Variants in FARP1 observed in about 807,000 individuals in gnomAD.
FARP1 encodes the protein FERM, ARHGEF and pleckstrin domain-containing protein 1.
Under a neutral mutation model 128.8 loss-of-function variants are expected in FARP1, and 52 were observed. The ratio of observed to expected loss-of-function variants is 0.40; its 90% CI spans 0.32 to 0.51. The LOEUF is 0.51. Ranked by LOEUF, FARP1 falls within the 20% of genes least tolerant of loss-of-function variation. The pLI is 0.45. For synonymous variants in FARP1, 580 were observed against 551.8 expected (o/e 1.05, Z -0.72); for missense variants, 1,333 against 1,367.9 (o/e 0.97, Z 0.40).
At chr13:98,350,739 G>A (rs1888383090) in intron 3 of FARP1, among the ~76,000 whole-genome samples, 1 of 152,084 alleles carries the variant, frequency 6.6e-6, no homozygotes, top group African/African-American at 2.4e-5. Context: ...AGGCCTTGTT[G>A]ACTGGGGAGC....
intron 3 of FARP1, among the ~76,000 whole-genome samples, chr13:98,353,607 A>G (rs2139919576): frequency 6.6e-6 from 1 of 152,126 alleles, no homozygotes; most frequent in South Asian, 2.1e-4. Flanking sequence ...CGAACTCCTG[A>G]CCTCAGGTGA....
At chr13:98,445,418 C>A (rs548712696) in intron 24 of FARP1, 2 of 152,198 alleles carry the variant, frequency 1.3e-5, no homozygotes, top group African/African-American at 4.8e-5. Context: ...GTCCCTGCCC[C>A]CTAGCTGGGC....
chr13:98,178,513 C>CT (rs767322147), intron 1 of FARP1, among the ~76,000 whole-genome samples: 8 of 152,088 alleles, frequency 5.3e-5, no homozygotes, highest in South Asian at 4.1e-4. Flanking sequence ...ATTTTTAACC[C>CT]TTTTTTTTCT....
At chr13:98,318,950 G>GTTTTTT (rs56166470) in intron 2 of FARP1, among the ~76,000 whole-genome samples, 93 of 120,634 alleles carry the variant, frequency 7.7e-4, no homozygotes, top group East Asian at 2.8e-3. Flanking sequence ...GTTTTTTCTT[G>GTTTTTT]TTTTTTTTTT....
intron 2 of FARP1, among the ~76,000 whole-genome samples, chr13:98,263,334 G>A (rs762165058): frequency 6.6e-6 from 1 of 152,244 alleles, no homozygotes; most frequent in Middle Eastern, 3.4e-3. Context: ...TAATGTTTAT[G>A]TTTAGAAAGA....
At chr13:98,413,780 A>T (rs10450808) in intron 16 of FARP1, among the ~76,000 whole-genome samples, 22,707 of 152,176 alleles carry the variant, frequency 0.15, 1,863 homozygotes, top group Middle Eastern at 0.26. Flanking sequence ...TGCTCTCATA[A>T]TGGGGTCAAA....
chr13:98,235,309 ATAT>A (rs1213991527), intron 2 of FARP1, among the ~76,000 whole-genome samples: 4 of 152,204 alleles, frequency 2.6e-5, no homozygotes, highest in Non-Finnish European at 5.9e-5. Context: ...ATCGAGGGTA[ATAT>A]TCTAACACAA....
intron 3 of FARP1, among the ~76,000 whole-genome samples, chr13:98,354,034 A>G (rs752846731): frequency 1.1e-4 from 17 of 152,252 alleles, no homozygotes; most frequent in Non-Finnish European, 1.5e-4. Flanking sequence ...GTTAAGAAGT[A>G]AAGATTGTAG....
At chr13:98,279,610 C>A (rs1884835387) in intron 2 of FARP1, among the ~76,000 whole-genome samples, 1 of 152,172 alleles carries the variant, frequency 6.6e-6, no homozygotes, top group Non-Finnish European at 1.5e-5. Flanking sequence ...TAGTGCCCGC[C>A]CCAGTGGGCA....
At chr13:98,245,160 T>C (rs1454820308) in intron 2 of FARP1, 3 of 992,112 alleles carry the variant, frequency 3.0e-6, no homozygotes, top group African/African-American at 3.5e-5. Flanking sequence ...CTGAAAGGGT[T>C]TAGTTTTTAA....
intron 13 of FARP1, chr13:98,404,948 C>T (rs1890918239): frequency 6.6e-6 from 1 of 151,978 alleles, no homozygotes; most frequent in Admixed American, 6.6e-5. Flanking sequence ...AAAATAATAC[C>T]TATGTGGTTA....
At chr13:98,196,643 C>T (rs1879582824) in intron 1 of FARP1, among the ~76,000 whole-genome samples, 1 of 152,148 alleles carries the variant, frequency 6.6e-6, no homozygotes, top group Non-Finnish European at 1.5e-5. Flanking sequence ...AGAACCAGGC[C>T]TCTCTTGGCT....
intron 2 of FARP1, among the ~76,000 whole-genome samples, chr13:98,335,354 T>C (rs1801507312): frequency 6.6e-6 from 1 of 152,194 alleles, no homozygotes; most frequent in Non-Finnish European, 1.5e-5. Context: ...AGTCATGTCT[T>C]ACATGGATGG....
chr13:98,189,512 T>C (rs540711737), intron 1 of FARP1, among the ~76,000 whole-genome samples: 1 of 152,290 alleles, frequency 6.6e-6, no homozygotes, highest in East Asian at 1.9e-4. Context: ...AGAAACCTGG[T>C]ATTATAATGA....
At chr13:98,169,795 C>G (rs888937786) in intron 1 of FARP1, among the ~76,000 whole-genome samples, 1 of 107,620 alleles carries the variant, frequency 9.3e-6, no homozygotes, top group African/African-American at 3.5e-5. Context: ...GGTGTAGATC[C>G]TTTTAAAATT....
At position 98,382,849 on chromosome 13, in the gene FARP1, G is replaced by T. The variant is rs562779625; in HGVS notation, c.497-1881G>T. ...TCACTGTTTAAAGCAGTCCCCAGGC[G>T]TTGTGCTGAAGCGCTGTCTGTCTTG... On this transcript the variant is annotated intron_variant, in intron 6 of 26. Coordinates refer to ENST00000319562, the MANE Select transcript of FARP1 (RefSeq NM_005766.4). Among the ~76,000 whole-genome samples the T allele has an allele frequency of 2.0e-4, 31 of 152,248 alleles. No homozygotes were observed. The South Asian group carries it at 6.2e-3, about 31-fold the overall frequency.
intron 2 of FARP1, among the ~76,000 whole-genome samples, chr13:98,253,409 G>C (rs1490824396): frequency 2.6e-5 from 4 of 152,142 alleles, no homozygotes; most frequent in Non-Finnish European, 5.9e-5. Context: ...GCATGAGTCA[G>C]ATATCCCAAT....
intron 1 of FARP1, among the ~76,000 whole-genome samples, chr13:98,166,013 C>T (rs1425008773): frequency 6.6e-6 from 1 of 152,080 alleles, no homozygotes; most frequent in East Asian, 1.9e-4. Flanking sequence ...AGCCACTGCG[C>T]CCAGCCCAGA....
chr13:98,328,640 A>G (rs1365348449), intron 2 of FARP1: 2 of 152,222 alleles, frequency 1.3e-5, no homozygotes, highest in Non-Finnish European at 2.9e-5. Flanking sequence ...TTCACTTAAA[A>G]GAAGCACTCT....
Sources: gnomAD v4.1 joint callset for allele counts (sites outside exome capture counted in the v4.1 genomes callset) on GRCh38, gnomAD v4.1.1 for gene constraint, MANE v1.5 for transcripts, NCBI Gene and HGNC (gene_info 2026-07-23, HGNC 2026-07-21) for gene names.